Variants in C3orf20 observed in about 807,000 individuals in gnomAD.
C3orf20 encodes family with sequence similarity 149 member C, also known as uncharacterized protein C3orf20.
In C3orf20, 76 loss-of-function variants were observed where a neutral mutation model predicts 88.3. That is an observed-to-expected ratio of 0.86 (90% confidence interval 0.72 to 1.04). C3orf20 has a LOEUF of 1.04. Among genes scored for constraint, C3orf20 ranks in the 50% least tolerant of loss-of-function variants. The pLI, the probability that C3orf20 is intolerant of heterozygous loss-of-function variation, is 0.00. For synonymous variants in C3orf20, 436 were observed against 437.4 expected (o/e 1.00, Z 0.04); for missense variants, 1,056 against 1,123.3 (o/e 0.94, Z 0.86).
At chr3:14,693,340 C>A (rs1297278965) in intron 5 of C3orf20, among the ~76,000 whole-genome samples, 1 of 152,160 alleles carries the variant, frequency 6.6e-6, no homozygotes, top group East Asian at 1.9e-4. Flanking sequence ...AATATTTATT[C>A]TTCCAATCCA....
chr3:14,692,339 G>A (rs2032775748), intron 5 of C3orf20, among the ~76,000 whole-genome samples: 1 of 152,108 alleles, frequency 6.6e-6, no homozygotes, highest in Admixed American at 6.6e-5. Flanking sequence ...CTCCATAGTG[G>A]TTGTGCTAAT....
At chr3:14,771,640 C>T (rs754919250) in intron 15 of C3orf20, among the ~76,000 whole-genome samples, 7 of 152,186 alleles carry the variant, frequency 4.6e-5, no homozygotes, top group African/African-American at 7.2e-5. Context: ...ATGTCTGCAG[C>T]GACCCTATTT....
At position 14,728,511 on chromosome 3, in the gene C3orf20, C is replaced by T. The variant is rs1354663687; in HGVS notation, c.1763C>T (p.Thr588Ile). The change falls in exon 12 of 17, where the codon ACT becomes ATT. Residue 588 changes from threonine to isoleucine, a missense_variant. Thr to Ile is a moderately conservative substitution (Grantham distance 89). Coordinates refer to ENST00000253697, the MANE Select transcript of C3orf20 (RefSeq NM_032137.5). ...EFVRFKMRSR[T>I]HPERLPKLSL... ...GTTCGGTTCAAGATGAGATCCAGAA[C>T]TCATCCCGAGCGGCTCCCCAAGCTA... is the stretch of plus-strand genomic sequence containing the variant. The T allele has an allele frequency of 6.2e-7, 1 of 1,614,218 alleles. No homozygotes were observed. Among genetic ancestry groups the T allele is most frequent in the South Asian group, 1.1e-5 (1 of 91,082 alleles).
At chr3:14,766,712 G>A (rs1018684819) in intron 15 of C3orf20, among the ~76,000 whole-genome samples, 9 of 152,232 alleles carry the variant, frequency 5.9e-5, no homozygotes, top group Non-Finnish European at 7.3e-5. Context: ...CAGTGGTGAC[G>A]GGGCGTGAAG....
chr3:14,761,552 A>T lies in C3orf20; in HGVS notation c.2432A>T (p.Gln811Leu). 6.2e-7 allele frequency: 1 copy of T among 1,614,050 alleles called. No individual in the cohort carries two copies. Among genetic ancestry groups the T allele is most frequent in the Non-Finnish European group, 8.5e-7 (1 of 1,179,970 alleles). The change falls in exon 15 of 17, where the codon CAG becomes CTG. Residue 811 changes from glutamine (Q) to leucine (L), a missense_variant. Physicochemically the swap from Gln to Leu is moderately radical, Grantham distance 113. Coordinates refer to ENST00000253697, the MANE Select transcript of C3orf20 (RefSeq NM_032137.5). The part of the protein sequence containing the change: ...YGLSKQNLLK[Q>L]IFRSQQDYKM... Reference sequence around the variant, plus strand: ...CTCAGCAAGCAGAATCTGCTGAAACAGATCTTCCGGTCTCAACAGGATTAC... The same window carrying T: ...CTCAGCAAGCAGAATCTGCTGAAACTGATCTTCCGGTCTCAACAGGATTAC...
At chr3:14,721,861 C>T in intron 10 of C3orf20, 77 bp downstream of exon 10, 2 of 1,571,208 alleles carry the variant, frequency 1.3e-6, no homozygotes, top group South Asian at 2.3e-5. Flanking sequence ...TATCTCAGGG[C>T]CTTTGCTCTT....
chr3:14,747,049 A>C (rs2035076484), intron 12 of C3orf20, among the ~76,000 whole-genome samples: 1 of 152,214 alleles, frequency 6.6e-6, no homozygotes, highest in Non-Finnish European at 1.5e-5. Context: ...GGGTTGAATT[A>C]AAGCAAAGAG....
intron 12 of C3orf20, among the ~76,000 whole-genome samples, chr3:14,740,232 T>C (rs2034861916): frequency 6.6e-6 from 1 of 152,226 alleles, no homozygotes; most frequent in Non-Finnish European, 1.5e-5. Context: ...TTAGGAATCA[T>C]TGTAGAGTTA....
intron 4 of C3orf20, among the ~76,000 whole-genome samples, chr3:14,688,529 CAAAAAAAA>C (rs35979290): frequency 2.8e-5 from 3 of 105,846 alleles, no homozygotes; most frequent in South Asian, 3.4e-4. Context: ...GAGACTGTCT[CAAAAAAAA>C]AAAAAAAAAG....
intron 12 of C3orf20, among the ~76,000 whole-genome samples, chr3:14,748,072 G>C (rs1313076112): frequency 6.6e-6 from 1 of 151,888 alleles, no homozygotes; most frequent in Non-Finnish European, 1.5e-5. Flanking sequence ...TTAAATTTTA[G>C]GTAGAATTCA....
chr3:14,769,205 C>A lies in C3orf20; in HGVS notation c.2496-2862C>A, dbSNP rs914721007. 2.6e-5 allele frequency among the ~76,000 whole-genome samples: 4 copies of A among 152,118 alleles called. No homozygotes were observed. The East Asian group carries it at 7.7e-4, about 29-fold the overall frequency. On this transcript the variant is annotated intron_variant, in intron 15 of 16. Transcript: ENST00000253697. ...AGGCAGAGGGGACGGTGGAGGAAAT[C>A]TCACCTTCTGCTAGAGCTCAGAGGG...
Position 14,701,396 on chromosome 3 carries a change from G to A in C3orf20, c.746-1734G>A, listed in dbSNP as rs532394177. Among the ~76,000 whole-genome samples, 3 of 152,128 alleles carry A rather than the reference G, an allele frequency of 2.0e-5. No homozygotes were observed. The highest frequency in any genetic ancestry group is 1.9e-4 in the East Asian group (1 of 5,176). ...AGGTGAAGTTAAGCCTGCATACTTC[G>A]AGGCTGCAGCTGGGTGGGAGTCAGA... On this transcript the variant is annotated intron_variant, in intron 5 of 16. Transcript: ENST00000253697. The surrounding 1 kb of genome is among the most constrained non-coding windows in gnomAD (Gnocchi z 4.6).
In C3orf20 at chr3:14,703,117, C is replaced by G. The variant is rs771159464; in HGVS notation, c.746-13C>G. Reference sequence around the variant, plus strand: ...CTTGGGCATCTCTCTAACTTCTTGCCCTCCAACTACAGGCAAATCTAGAAC... The same window carrying G: ...CTTGGGCATCTCTCTAACTTCTTGCGCTCCAACTACAGGCAAATCTAGAAC... On this transcript the variant is annotated splice_polypyrimidine_tract_variant and intron_variant, in intron 5 of 16. Transcript: ENST00000253697. The G allele has an allele frequency of 1.2e-6, 2 of 1,613,886 alleles. No individual in the cohort carries two copies. The highest frequency in any genetic ancestry group is 1.7e-6 in the Non-Finnish European group (2 of 1,179,954).
At chr3:14,739,802 G>A (rs909111314) in intron 12 of C3orf20, among the ~76,000 whole-genome samples, 3 of 152,178 alleles carry the variant, frequency 2.0e-5, no homozygotes, top group Non-Finnish European at 2.9e-5. Context: ...TTGTACTGTT[G>A]TGTTATGGAG....
chr3:14,745,506 A>T (rs988226954), intron 12 of C3orf20, among the ~76,000 whole-genome samples: 1 of 152,220 alleles, frequency 6.6e-6, no homozygotes, highest in Non-Finnish European at 1.5e-5. Flanking sequence ...TCTTCTTGCT[A>T]TATAATACCC....
At chr3:14,685,152 ATGAG>A (rs2032326923) in intron 4 of C3orf20, among the ~76,000 whole-genome samples, 1 of 152,268 alleles carries the variant, frequency 6.6e-6, no homozygotes, top group Non-Finnish European at 1.5e-5. Flanking sequence ...AATCACGAAA[ATGAG>A]TGAGGCACTA....
At chr3:14,700,273 A>C (rs184884154) in intron 5 of C3orf20, among the ~76,000 whole-genome samples, 1 of 151,946 alleles carries the variant, frequency 6.6e-6, no homozygotes, top group East Asian at 1.9e-4. Context: ...GTAGTTGTTA[A>C]ATTTGGTGTT....
Position 14,715,280 on chromosome 3 carries a change from C to G in C3orf20, c.1314-9C>G, listed in dbSNP as rs748540756. 1 of 1,610,446 alleles carries G rather than the reference C, an allele frequency of 6.2e-7. No homozygotes were observed. The highest frequency in any genetic ancestry group is 8.5e-7 in the Non-Finnish European group (1 of 1,178,714). The stretch of plus-strand genomic sequence containing the variant: ...CGGTGGCAGCTACTCACTTCTGTAT[C>G]TCTCCTAGTTGCCCATATGTCTTAA... On this transcript the variant is annotated splice_polypyrimidine_tract_variant and intron_variant, in intron 8 of 16. Transcript: ENST00000253697.
At chr3:14,695,901 T>C (rs551361847) in intron 5 of C3orf20, among the ~76,000 whole-genome samples, 2 of 152,246 alleles carry the variant, frequency 1.3e-5, no homozygotes, top group South Asian at 4.1e-4. Flanking sequence ...GTGCTTCTGA[T>C]CATGGGGTCT....
Sources: gnomAD v4.1 joint callset for allele counts (sites outside exome capture counted in the v4.1 genomes callset) on GRCh38, gnomAD v4.1.1 for gene constraint, Gnocchi (gnomAD v3.1) non-coding constraint, MANE v1.5 for transcripts, NCBI Gene and HGNC (gene_info 2026-07-23, HGNC 2026-07-21) for gene names.